The following GPC5 variants were observed in gnomAD, a reference collection of about 807,000 sequenced individuals.
The protein encoded by GPC5 is glypican-5.
GPC5 carries 47 observed loss-of-function variants against 53.9 expected under a neutral mutation model. That is an observed-to-expected ratio of 0.87 (90% confidence interval 0.69 to 1.11). The LOEUF (loss-of-function observed/expected upper bound fraction) is 1.11, where lower values mean the gene tolerates loss of function less well. Ranked by LOEUF, GPC5 falls within the 50% of genes most tolerant of loss-of-function variation. The pLI, the probability that GPC5 is intolerant of heterozygous loss-of-function variation, is 0.00. For synonymous variants in GPC5, 286 were observed against 263.3 expected, an observed-to-expected ratio of 1.09 and a Z score of -0.84; for missense variants, 748 against 713.1, an observed-to-expected ratio of 1.05 and a Z score of -0.56.
chr13:92,599,627 G>T (rs1302482758), intron 7 of GPC5, among the ~76,000 whole-genome samples: 2 of 152,162 alleles, frequency 1.3e-5, no homozygotes, highest in Non-Finnish European at 2.9e-5. Context: ...ATGGTGGTCG[G>T]TTGGCCTTGC....
intron 2 of GPC5, among the ~76,000 whole-genome samples, chr13:91,649,056 T>A (rs1347397307): frequency 6.6e-6 from 1 of 152,092 alleles, no homozygotes; most frequent in African/African-American, 2.4e-5. Context: ...TCTCATGAGA[T>A]TTGATGGTTT....
intron 1 of GPC5, among the ~76,000 whole-genome samples, chr13:91,417,170 G>T (rs960953848): frequency 6.6e-6 from 1 of 152,102 alleles, no homozygotes; most frequent in Admixed American, 6.5e-5. Flanking sequence ...GGGAATATAA[G>T]GCACTCTGTA....
At chr13:92,265,059 C>G (rs2042793946) in intron 7 of GPC5, among the ~76,000 whole-genome samples, 1 of 151,988 alleles carries the variant, frequency 6.6e-6, no homozygotes, top group Admixed American at 6.6e-5. Context: ...GCCTACCTTT[C>G]TTGGAAAATT....
intron 7 of GPC5, among the ~76,000 whole-genome samples, chr13:92,767,300 G>A (rs745407482): frequency 6.3e-4 from 95 of 151,992 alleles, no homozygotes; most frequent in Non-Finnish European, 1.1e-3. Context: ...GTGAAACCCC[G>A]TCTCTGCTAA....
chr13:92,790,535 G>A (rs892796335), intron 7 of GPC5, among the ~76,000 whole-genome samples: 1 of 152,086 alleles, frequency 6.6e-6, no homozygotes, highest in African/African-American at 2.4e-5. Context: ...AGAAAATTAA[G>A]TGTGCTTGTG....
chr13:91,908,014 C>T lies in GPC5; in HGVS notation c.1358C>T (p.Pro453Leu), dbSNP rs1302130793. The change falls in exon 6 of 8, where the codon CCT becomes CTT. Residue 453 changes from proline (P) to leucine (L), a missense_variant. Pro to Leu is a moderately conservative substitution (Grantham distance 98). Coordinates refer to ENST00000377067, the MANE Select transcript of GPC5 (RefSeq NM_004466.6). ...GAAGTCAAAGTCAAAGGAATTGATC[C>T]TGTGATAAATCAGATTATTGATAAA... ...NPEVKVKGID[P>L]VINQIIDKLK... is the part of the protein sequence containing the mutation. 6.3e-7 allele frequency: 1 copy of T among 1,593,430 alleles called. No individual in the cohort carries two copies. The highest frequency in any genetic ancestry group is 1.3e-5 in the African/African-American group (1 of 74,584).
chr13:91,575,167 A>T (rs1263377997), intron 2 of GPC5, among the ~76,000 whole-genome samples: 1 of 152,208 alleles, frequency 6.6e-6, no homozygotes, highest in African/African-American at 2.4e-5. Context: ...AGTTCTATCC[A>T]TCTCAAATCC....
chr13:91,776,375 A>G lies in GPC5; in HGVS notation c.1280+19955A>G, dbSNP rs561207467. ...TTAATGTGGCTTTGTTTGTTTATAC[A>G]TCCTTATAGGTTCAGAATAGACAGC... is the stretch of plus-strand genomic sequence containing the variant. On this transcript the variant is annotated intron_variant, in intron 5 of 7. Transcript: ENST00000377067. Among the ~76,000 whole-genome samples the G allele has an allele frequency of 2.0e-5, 3 of 152,296 alleles. No individual in the cohort carries two copies. In the South Asian group the frequency reaches 6.2e-4, roughly 32 times the overall value.
chr13:91,944,338 C>T (rs1239732249), intron 6 of GPC5, among the ~76,000 whole-genome samples: 1 of 152,066 alleles, frequency 6.6e-6, no homozygotes, highest in African/African-American at 2.4e-5. Context: ...CCTCGCGATC[C>T]GCCCGCTTCA....
intron 2 of GPC5, among the ~76,000 whole-genome samples, chr13:91,501,441 T>A (rs1404820093): frequency 6.6e-6 from 1 of 152,042 alleles, no homozygotes; most frequent in Non-Finnish European, 1.5e-5. Context: ...CTCCCCTTCC[T>A]GTGTCCATGT....
chr13:91,476,366 G>A (rs1219964245), intron 2 of GPC5, among the ~76,000 whole-genome samples: 3 of 152,106 alleles, frequency 2.0e-5, no homozygotes, highest in East Asian at 3.9e-4. Flanking sequence ...ACTCAGAAAG[G>A]CTACTTCACC....
intron 7 of GPC5, among the ~76,000 whole-genome samples, chr13:92,417,420 T>G (rs1876361665): frequency 6.6e-6 from 1 of 152,190 alleles, no homozygotes; most frequent in African/African-American, 2.4e-5. Context: ...ATGGTGTAGC[T>G]TTTCTGGAAA....
chr13:91,982,062 CAT>C (rs2040364915), intron 6 of GPC5, among the ~76,000 whole-genome samples: 2 of 152,026 alleles, frequency 1.3e-5, no homozygotes, highest in Non-Finnish European at 2.9e-5. Flanking sequence ...TCCAAAAATC[CAT>C]AGAGAGCTGG....
intron 2 of GPC5, among the ~76,000 whole-genome samples, chr13:91,586,060 A>G (rs1332997458): frequency 7.3e-6 from 1 of 137,626 alleles, no homozygotes; most frequent in Non-Finnish European, 1.5e-5. Context: ...ATTTAAAAAA[A>G]GATTTCTTGA....
chr13:91,951,173 C>A (rs940186736), intron 6 of GPC5, among the ~76,000 whole-genome samples: 1 of 152,026 alleles, frequency 6.6e-6, no homozygotes, highest in Non-Finnish European at 1.5e-5. Flanking sequence ...AATGAATTAA[C>A]CAAGTTCAAT....
intron 2 of GPC5, among the ~76,000 whole-genome samples, chr13:91,464,032 A>G (rs1372863625): frequency 6.6e-6 from 1 of 152,172 alleles, no homozygotes; most frequent in Non-Finnish European, 1.5e-5. Flanking sequence ...TAAAAATTCA[A>G]CAGTTAAAAA....
chr13:91,800,948 A>G (rs2038124972), intron 5 of GPC5, among the ~76,000 whole-genome samples: 1 of 152,052 alleles, frequency 6.6e-6, no homozygotes, highest in African/African-American at 2.4e-5. Flanking sequence ...TGTTTCTTTT[A>G]ATATTTTAAA....
Position 91,583,532 on chromosome 13 carries a change from T to C in GPC5, c.326-109655T>C, listed in dbSNP as rs898785534. ...ACCTAGTACTGATCATATTCCTACA[T>C]GGGAAAGGTGAAATATTATTGAAGA... On this transcript the variant is annotated intron_variant, in intron 2 of 7. Coordinates refer to ENST00000377067, the MANE Select transcript of GPC5 (RefSeq NM_004466.6). Among the ~76,000 whole-genome samples, 6 of 152,026 alleles carry C rather than the reference T, an allele frequency of 3.9e-5. No homozygotes were observed. In the East Asian group the frequency reaches 7.7e-4, roughly 20 times the overall value.
chr13:92,292,956 G>A lies in GPC5; in HGVS notation c.1561+147967G>A, dbSNP rs145117080. Reference sequence around the variant, plus strand: ...CCCACTTTATATTTTTCTTTTCTTTGTTGAAGATCAGTTGGCTGTAAATGT... The same window carrying A: ...CCCACTTTATATTTTTCTTTTCTTTATTGAAGATCAGTTGGCTGTAAATGT... On this transcript the variant is annotated intron_variant, in intron 7 of 7. Transcript: ENST00000377067. Among the ~76,000 whole-genome samples, 780 of 151,386 alleles carry A rather than the reference G, an allele frequency of 5.2e-3. 7 individuals carry two copies. Among genetic ancestry groups the A allele is most frequent in the African/African-American group, 0.018 (748 of 41,260 alleles).
Sources: allele counts gnomAD v4.1 joint callset (sites outside exome capture counted in the v4.1 genomes callset), GRCh38; gene constraint gnomAD v4.1.1; transcripts MANE v1.5; gene names NCBI Gene and HGNC (gene_info 2026-07-23, HGNC 2026-07-21).